DOK6: variants seen among roughly 807,000 people sequenced by gnomAD.
DOK6 encodes the protein downstream of tyrosine kinase 6.
Under a neutral mutation model 44.0 loss-of-function variants are expected in DOK6, and 22 were observed. The ratio of observed to expected loss-of-function variants is 0.50; its 90% CI spans 0.36 to 0.71. The LOEUF is 0.71. Among genes scored for constraint, DOK6 ranks in the 30% least tolerant of loss-of-function variants. The probability of loss-of-function intolerance (pLI) is 0.00; values close to 1 mark genes in which losing one functional copy is unlikely to be tolerated. For synonymous variants in DOK6, 166 were observed against 145.5 expected, an observed-to-expected ratio of 1.14 and a Z score of -1.01; for missense variants, 340 against 416.4, an observed-to-expected ratio of 0.82 and a Z score of 1.60.
At chr18:69,521,032 A>T (rs77050496) in intron 1 of DOK6, among the ~76,000 whole-genome samples, 17,412 of 151,904 alleles carry the variant, frequency 0.11, 1,283 homozygotes, top group Non-Finnish European at 0.16. Context: ...CTTAAAAGAC[A>T]TCAGTGTATG....
chr18:69,787,847 G>A (rs138466636), intron 7 of DOK6, among the ~76,000 whole-genome samples: 19 of 152,292 alleles, frequency 1.2e-4, no homozygotes, highest in African/African-American at 4.6e-4. Flanking sequence ...TACTTAAAAG[G>A]TTGCAATTAA....
At chr18:69,631,582 A>G (rs1385056480) in intron 3 of DOK6, among the ~76,000 whole-genome samples, 3 of 152,172 alleles carry the variant, frequency 2.0e-5, no homozygotes, top group African/African-American at 7.2e-5. Context: ...GGGCTCTTTC[A>G]TCATTACTGG....
intron 1 of DOK6, among the ~76,000 whole-genome samples, chr18:69,462,171 T>C (rs754581565): frequency 2.0e-4 from 30 of 152,214 alleles, no homozygotes; most frequent in Non-Finnish European, 4.3e-4. Flanking sequence ...GATTAGATCA[T>C]ATAATAATTG....
intron 1 of DOK6, among the ~76,000 whole-genome samples, chr18:69,477,068 C>A (rs1385563119): frequency 6.6e-6 from 1 of 152,124 alleles, no homozygotes. Context: ...CTACTTGTAG[C>A]ATAAAAATAG....
intron 7 of DOK6, among the ~76,000 whole-genome samples, chr18:69,759,032 G>A (rs1979453946): frequency 6.6e-6 from 1 of 152,142 alleles, no homozygotes; most frequent in Admixed American, 6.5e-5. Context: ...AATTACTGAA[G>A]GCAATTACAT....
intron 7 of DOK6, among the ~76,000 whole-genome samples, chr18:69,789,127 T>G (rs1296634851): frequency 6.6e-6 from 1 of 152,162 alleles, no homozygotes; most frequent in Non-Finnish European, 1.5e-5. Flanking sequence ...TGACCATGAT[T>G]CAAAGCAACA....
At chr18:69,573,041 CT>C (rs1411749141) in intron 2 of DOK6, among the ~76,000 whole-genome samples, 1 of 150,958 alleles carries the variant, frequency 6.6e-6, no homozygotes, top group Non-Finnish European at 1.5e-5. Context: ...TGGGAATGAT[CT>C]AGTAAGCAGG....
chr18:69,446,806 A>G (rs2122451120), intron 1 of DOK6, among the ~76,000 whole-genome samples: 1 of 152,324 alleles, frequency 6.6e-6, no homozygotes, highest in Admixed American at 6.5e-5. Context: ...TCTGATGGCC[A>G]GTGATGATGA....
chr18:69,646,605 G>A (rs1985079588), intron 3 of DOK6, among the ~76,000 whole-genome samples: 1 of 152,248 alleles, frequency 6.6e-6, no homozygotes, highest in Middle Eastern at 3.4e-3. Context: ...CCCATTTGGT[G>A]GAGAAGGGCT....
At chr18:69,650,375 C>G (rs1985192503) in intron 3 of DOK6, among the ~76,000 whole-genome samples, 1 of 152,034 alleles carries the variant, frequency 6.6e-6, no homozygotes, top group Admixed American at 6.6e-5. Flanking sequence ...AGGTTCTGTT[C>G]TAGAGGATCT....
chr18:69,447,726 G>T (rs1310590150), intron 1 of DOK6, among the ~76,000 whole-genome samples: 3 of 152,130 alleles, frequency 2.0e-5, no homozygotes, highest in Non-Finnish European at 4.4e-5. Flanking sequence ...GAAAGCTGAG[G>T]TTATTTTCTG....
intron 5 of DOK6, among the ~76,000 whole-genome samples, chr18:69,715,365 A>C (rs967365138): frequency 7.9e-5 from 12 of 152,208 alleles, no homozygotes; most frequent in African/African-American, 2.7e-4. Context: ...TAAAACTTTA[A>C]GACAGTAGCA....
At chr18:69,718,676 G>A (rs929275642) in intron 5 of DOK6, among the ~76,000 whole-genome samples, 2 of 152,082 alleles carry the variant, frequency 1.3e-5, no homozygotes, top group Non-Finnish European at 2.9e-5. Context: ...ATGAATAGAG[G>A]ACAACTTGCT....
At chr18:69,615,433 G>T (rs1185919597) in intron 3 of DOK6, among the ~76,000 whole-genome samples, 1 of 152,174 alleles carries the variant, frequency 6.6e-6, no homozygotes, top group East Asian at 1.9e-4. Flanking sequence ...GCTGACTCAA[G>T]TCACTGTGGA....
rs1985091359 is a variant in DOK6 at position 69,647,008 on chromosome 18, T to TC, written c.290-30726_290-30725insC. Among the ~76,000 whole-genome samples the TC allele has an allele frequency of 2.0e-5, 3 of 150,432 alleles. 1 individual carries two copies. On this transcript the variant is annotated intron_variant, in intron 3 of 7. Coordinates refer to ENST00000382713, the MANE Select transcript of DOK6 (RefSeq NM_152721.6). The stretch of plus-strand genomic sequence containing the variant: ...AGCTATCTAATCTATCTATCTAATC[T>TC]ATCTACTCTATCTCATCTATCCATC...
At chr18:69,555,651 T>TTA (rs1277624770) in intron 1 of DOK6, among the ~76,000 whole-genome samples, 1 of 152,220 alleles carries the variant, frequency 6.6e-6, no homozygotes, top group Non-Finnish European at 1.5e-5. Flanking sequence ...GGCATTCTAT[T>TTA]TAGCAAGTCT....
intron 7 of DOK6, among the ~76,000 whole-genome samples, chr18:69,809,931 G>A (rs927608341): frequency 3.3e-5 from 5 of 151,856 alleles, no homozygotes; most frequent in African/African-American, 1.2e-4. Flanking sequence ...CAGACTCAAT[G>A]CCATATCTAT....
At chr18:69,839,827 G>A (rs943338517) in intron 7 of DOK6, among the ~76,000 whole-genome samples, 3 of 152,230 alleles carry the variant, frequency 2.0e-5, no homozygotes, top group African/African-American at 7.2e-5. Flanking sequence ...GGCAGGAGGT[G>A]CGAGGGAAAA....
chr18:69,490,363 T>C (rs1030485661), intron 1 of DOK6, among the ~76,000 whole-genome samples: 1 of 152,196 alleles, frequency 6.6e-6, no homozygotes, highest in Admixed American at 6.5e-5. Flanking sequence ...TTTGAATTGT[T>C]ATATAAATAT....
Sources: allele counts gnomAD v4.1 joint callset (sites outside exome capture counted in the v4.1 genomes callset), GRCh38; gene constraint gnomAD v4.1.1; transcripts MANE v1.5; gene names NCBI Gene and HGNC (gene_info 2026-07-23, HGNC 2026-07-21).